MAP2K1: variants seen among roughly 807,000 people sequenced by gnomAD.
The protein encoded by MAP2K1 is mitogen-activated protein kinase kinase 1.
MAP2K1 carries 16 observed loss-of-function variants against 46.3 expected under a neutral mutation model. That is an observed-to-expected ratio of 0.35 (90% confidence interval 0.23 to 0.52). The LOEUF (loss-of-function observed/expected upper bound fraction) is 0.52, where lower values mean the gene tolerates loss of function less well. Ranked by LOEUF, MAP2K1 falls within the 20% of genes least tolerant of loss-of-function variation. MAP2K1 has a pLI of 0.94. For synonymous variants in MAP2K1, 183 were observed against 185.6 expected (o/e 0.99, Z 0.11); for missense variants, 263 against 497.1 (o/e 0.53, Z 4.48).
At chr15:66,399,016 G>A (rs1320856178) in intron 1 of MAP2K1, among the ~76,000 whole-genome samples, 3 of 152,032 alleles carry the variant, frequency 2.0e-5, no homozygotes, top group South Asian at 4.1e-4. Flanking sequence ...GAAGTGATCC[G>A]CCTGCCGCGG....
intron 5 of MAP2K1, among the ~76,000 whole-genome samples, chr15:66,461,723 C>T (rs1257878564): frequency 6.6e-6 from 1 of 152,062 alleles, no homozygotes; most frequent in Non-Finnish European, 1.5e-5. Context: ...TAACAGGCAC[C>T]AAATCCCCAA....
intron 1 of MAP2K1, among the ~76,000 whole-genome samples, chr15:66,394,211 C>T (rs1029125625): frequency 2.0e-5 from 3 of 152,204 alleles, no homozygotes; most frequent in Non-Finnish European, 4.4e-5. Context: ...GGAGGGTTCA[C>T]TGCTTGGCCT....
chr15:66,421,883 CTT>C (rs35469194), intron 1 of MAP2K1, among the ~76,000 whole-genome samples: 4 of 143,148 alleles, frequency 2.8e-5, no homozygotes, highest in Admixed American at 7.0e-5. Context: ...CCCTCTTTCT[CTT>C]TTTTTTTTTT....
At chr15:66,443,072 T>G (rs2093508906) in intron 3 of MAP2K1, among the ~76,000 whole-genome samples, 1 of 146,032 alleles carries the variant, frequency 6.8e-6, no homozygotes, top group African/African-American at 2.5e-5. Context: ...TGGGGTTTTT[T>G]TGTGTGTGTA....
intron 1 of MAP2K1, among the ~76,000 whole-genome samples, chr15:66,403,747 CCTT>C (rs1375462569): frequency 6.6e-6 from 1 of 152,082 alleles, no homozygotes; most frequent in Non-Finnish European, 1.5e-5. Flanking sequence ...AATTATATTT[CCTT>C]CTTTATTGAA....
intron 6 of MAP2K1, 115 bp from the exon 7 acceptor site, chr15:66,484,875 T>G (rs1893000475): frequency 1.1e-6 from 1 of 912,772 alleles, no homozygotes; most frequent in Non-Finnish European, 1.8e-6. Flanking sequence ...AAGAGGTTAG[T>G]GGAGCTCTTG....
At chr15:66,446,159 G>A (rs139430971) in intron 5 of MAP2K1, among the ~76,000 whole-genome samples, 51 of 152,248 alleles carry the variant, frequency 3.3e-4, no homozygotes, top group African/African-American at 1.2e-3. Flanking sequence ...GGCAGAGGTC[G>A]CAGTGAGCCA....
intron 2 of MAP2K1, among the ~76,000 whole-genome samples, chr15:66,435,700 T>C (rs2093486238): frequency 6.6e-6 from 1 of 152,220 alleles, no homozygotes; most frequent in Admixed American, 6.5e-5. Context: ...TGTGTTAGTG[T>C]ATTAATCCCC....
intron 5 of MAP2K1, among the ~76,000 whole-genome samples, chr15:66,471,043 C>A (rs190360257): frequency 2.8e-4 from 43 of 152,242 alleles, no homozygotes; most frequent in African/African-American, 1.0e-3. Flanking sequence ...TTCTGATTAG[C>A]CTTTCCAAAG....
chr15:66,394,192 A>G (rs996665579), intron 1 of MAP2K1, among the ~76,000 whole-genome samples: 5 of 152,240 alleles, frequency 3.3e-5, no homozygotes, highest in African/African-American at 1.2e-4. Context: ...AAGGTGCCGA[A>G]TAACCTTAGG....
At chr15:66,396,988 A>G (rs2093369249) in intron 1 of MAP2K1, among the ~76,000 whole-genome samples, 1 of 133,196 alleles carries the variant, frequency 7.5e-6, no homozygotes, top group African/African-American at 2.9e-5. Flanking sequence ...CCTGGCCTGT[A>G]ACGCTTCTTT....
chr15:66,438,772 G>A (rs2093495659), intron 3 of MAP2K1, among the ~76,000 whole-genome samples: 1 of 152,234 alleles, frequency 6.6e-6, no homozygotes, highest in South Asian at 2.1e-4. Flanking sequence ...GCCAAGCACA[G>A]TGTCTGGCAC....
chr15:66,407,063 C>G (rs1161910725), intron 1 of MAP2K1, among the ~76,000 whole-genome samples: 2 of 152,116 alleles, frequency 1.3e-5, no homozygotes, highest in Non-Finnish European at 2.9e-5. Flanking sequence ...AGCTCTGACA[C>G]AGGGTTTTCC....
At chr15:66,388,186 T>C (rs1461573443) in intron 1 of MAP2K1, among the ~76,000 whole-genome samples, 1 of 152,160 alleles carries the variant, frequency 6.6e-6, no homozygotes, top group Non-Finnish European at 1.5e-5. Context: ...GTGCTCCATC[T>C]CTGCAGCTTC....
intron 4 of MAP2K1, among the ~76,000 whole-genome samples, chr15:66,443,642 A>C (rs542044032): frequency 1.3e-5 from 2 of 151,984 alleles, no homozygotes; most frequent in Non-Finnish European, 2.9e-5. Flanking sequence ...AGGCCAAGGC[A>C]GGAGGACTGC....
chr15:66,466,689 A>G (rs948878799), intron 5 of MAP2K1, among the ~76,000 whole-genome samples: 1 of 152,170 alleles, frequency 6.6e-6, no homozygotes, highest in Non-Finnish European at 1.5e-5. Flanking sequence ...CAAAAAAACA[A>G]ACAAATTGTT....
chr15:66,456,886 G>T (rs886377826), intron 5 of MAP2K1, among the ~76,000 whole-genome samples: 4 of 152,146 alleles, frequency 2.6e-5, no homozygotes, highest in African/African-American at 9.7e-5. Context: ...AGAATGAATG[G>T]GTGCTGAAAG....
intron 1 of MAP2K1, among the ~76,000 whole-genome samples, chr15:66,423,442 CTTTT>C (rs35710848): frequency 7.2e-6 from 1 of 139,250 alleles, no homozygotes; most frequent in Admixed American, 7.3e-5. Flanking sequence ...TTTTTCTTTC[CTTTT>C]TTTTTTTTTT....
intron 1 of MAP2K1, among the ~76,000 whole-genome samples, chr15:66,409,552 G>A (rs932817210): frequency 1.3e-5 from 2 of 152,158 alleles, no homozygotes; most frequent in African/African-American, 4.8e-5. Context: ...TGGGGACTAG[G>A]ATAGGACAGA....
Sources: gnomAD v4.1 joint callset for allele counts (sites outside exome capture counted in the v4.1 genomes callset) on GRCh38, gnomAD v4.1.1 for gene constraint, MANE v1.5 for transcripts, NCBI Gene and HGNC (gene_info 2026-07-23, HGNC 2026-07-21) for gene names.